ARHGAP28: variants seen among roughly 807,000 people sequenced by gnomAD.
The protein encoded by ARHGAP28 is Rho GTPase activating protein 28, also known as rho GTPase-activating protein 28.
In ARHGAP28, 56 loss-of-function variants were observed where a neutral mutation model predicts 90.7. The ratio of observed to expected loss-of-function variants is 0.62; its 90% confidence interval spans 0.50 to 0.77. ARHGAP28 has a LOEUF of 0.77. Ranked by LOEUF, ARHGAP28 falls within the 30% of genes least tolerant of loss-of-function variation. The pLI, the probability that ARHGAP28 is intolerant of heterozygous loss-of-function variation, is 0.00. For missense variants in ARHGAP28, 869 were observed against 900.9 expected (o/e 0.96, Z 0.45); for synonymous variants, 308 against 323.3 (o/e 0.95, Z 0.51).
intron 1 of ARHGAP28, among the ~76,000 whole-genome samples, chr18:6,730,644 T>C (rs1395557149): frequency 6.6e-6 from 1 of 152,220 alleles, no homozygotes; most frequent in Non-Finnish European, 1.5e-5. Context: ...TCAGTGATCA[T>C]CCATTTGATG....
intron 1 of ARHGAP28, among the ~76,000 whole-genome samples, chr18:6,798,617 G>T (rs370461473): frequency 3.9e-5 from 6 of 152,240 alleles, no homozygotes; most frequent in African/African-American, 1.4e-4. Flanking sequence ...AATACTGTAC[G>T]TTCTCACTGG....
At chr18:6,884,920 A>C (rs2143669963) in intron 11 of ARHGAP28, among the ~76,000 whole-genome samples, 1 of 152,286 alleles carries the variant, frequency 6.6e-6, no homozygotes, top group South Asian at 2.1e-4. Context: ...TTGTGTTCAA[A>C]CCATGCCAAA....
Position 6,729,959 on chromosome 18 carries a change from C to G in ARHGAP28, c.122+16C>G. On this transcript the variant is annotated intron_variant, in intron 1 of 17. Coordinates refer to ENST00000383472, the MANE Select transcript of ARHGAP28 (RefSeq NM_001366230.1). ...CGCTCAGCAGGTACCCGGAGCCGCT[C>G]CCACCAGGGCGGCGCAGTCGCGCTG... is the stretch of plus-strand genomic sequence containing the variant. 7.5e-7 allele frequency: 1 copy of G among 1,334,986 alleles called. No homozygotes were observed. The highest frequency in any genetic ancestry group is 1.9e-5 in the South Asian group (1 of 52,670). 82.7% of individuals were successfully genotyped at this position (1,334,986 alleles called of 1,614,324 possible).
intron 16 of ARHGAP28, chr18:6,898,592 T>C: frequency 6.3e-7 from 1 of 1,597,948 alleles, no homozygotes. Flanking sequence ...TATAGAGACT[T>C]GAAATATCAT....
At chr18:6,885,806 T>G (rs1177694801) in intron 11 of ARHGAP28, among the ~76,000 whole-genome samples, 3 of 150,262 alleles carry the variant, frequency 2.0e-5, no homozygotes, top group Non-Finnish European at 4.4e-5. Flanking sequence ...AGAGTTGTTT[T>G]TTTTTTTTTT....
chr18:6,859,099 A>AC (rs2056977286), intron 4 of ARHGAP28, among the ~76,000 whole-genome samples: 3 of 151,694 alleles, frequency 2.0e-5, no homozygotes, highest in Non-Finnish European at 2.9e-5. Context: ...CAACAACAAA[A>AC]AACAAAATTT....
chr18:6,828,131 T>G (rs1225677328), intron 2 of ARHGAP28, among the ~76,000 whole-genome samples: 5 of 152,138 alleles, frequency 3.3e-5, no homozygotes, highest in African/African-American at 4.8e-5. Context: ...GGCAGATCAC[T>G]CGCGGTTAGG....
chr18:6,908,323 G>A (rs1295701485), intron 16 of ARHGAP28, among the ~76,000 whole-genome samples: 1 of 151,868 alleles, frequency 6.6e-6, no homozygotes, highest in Non-Finnish European at 1.5e-5. Context: ...ATTTTTAGTA[G>A]AGATGGGATT....
At chr18:6,861,736 C>T (rs1406778216) in intron 5 of ARHGAP28, among the ~76,000 whole-genome samples, 1 of 152,168 alleles carries the variant, frequency 6.6e-6, no homozygotes, top group Non-Finnish European at 1.5e-5. Context: ...TCTGGTAAGA[C>T]TGCTGGTCAT....
chr18:6,845,553 G>GTTCTTACTGATGCTC (rs2056859728), intron 3 of ARHGAP28, among the ~76,000 whole-genome samples: 1 of 152,116 alleles, frequency 6.6e-6, no homozygotes, highest in Non-Finnish European at 1.5e-5. Context: ...TCCATTAGCT[G>GTTCTTACTGATGCTC]TTCTTACTGA....
chr18:6,882,865 G>A (rs1053584019), intron 11 of ARHGAP28, among the ~76,000 whole-genome samples: 1 of 152,164 alleles, frequency 6.6e-6, no homozygotes, highest in South Asian at 2.1e-4. Flanking sequence ...TGAAGTATGT[G>A]GGCAAAAGCA....
At chr18:6,756,817 C>T (rs556232433) in intron 1 of ARHGAP28, among the ~76,000 whole-genome samples, 19 of 152,266 alleles carry the variant, frequency 1.2e-4, no homozygotes, top group Middle Eastern at 3.4e-3. Context: ...TGGAATCTAA[C>T]GTTCAAGGGC....
intron 3 of ARHGAP28, among the ~76,000 whole-genome samples, chr18:6,849,422 A>G (rs1157158319): frequency 1.3e-5 from 2 of 152,298 alleles, no homozygotes; most frequent in South Asian, 2.1e-4. Context: ...CTGCAGAAGG[A>G]TGATGAAGGA....
intron 1 of ARHGAP28, among the ~76,000 whole-genome samples, chr18:6,786,353 C>T (rs1476444803): frequency 6.6e-6 from 1 of 151,922 alleles, no homozygotes; most frequent in South Asian, 2.1e-4. Flanking sequence ...GAGAATTTTC[C>T]TAACTATGCC....
intron 1 of ARHGAP28, among the ~76,000 whole-genome samples, chr18:6,787,343 A>T (rs756319073): frequency 2.6e-5 from 4 of 151,390 alleles, no homozygotes; most frequent in Non-Finnish European, 5.9e-5. Context: ...TTTAAGCTAC[A>T]TTGTTATTAT....
intron 1 of ARHGAP28, among the ~76,000 whole-genome samples, chr18:6,803,449 A>G (rs928596000): frequency 6.6e-6 from 1 of 152,152 alleles, no homozygotes; most frequent in South Asian, 2.1e-4. Flanking sequence ...GTTATGATGC[A>G]TTATATTTTT....
At chr18:6,907,395 A>AG (rs547192656) in intron 16 of ARHGAP28, among the ~76,000 whole-genome samples, 1 of 25,204 alleles carries the variant, frequency 4.0e-5, no homozygotes, top group Non-Finnish European at 1.0e-4. Flanking sequence ...CAAAAACTGG[A>AG]AAAAAAAAAA....
At chr18:6,758,016 T>A (rs762996513) in intron 1 of ARHGAP28, among the ~76,000 whole-genome samples, 5 of 152,192 alleles carry the variant, frequency 3.3e-5, no homozygotes, top group Non-Finnish European at 7.3e-5. Context: ...TGAGAGCCAT[T>A]TTCCAAGTAC....
chr18:6,888,443 G>C (rs1299216565), intron 12 of ARHGAP28, among the ~76,000 whole-genome samples: 2 of 151,988 alleles, frequency 1.3e-5, no homozygotes, highest in Non-Finnish European at 2.9e-5. Flanking sequence ...ATTTCAGTGT[G>C]GTAAGGACCT....
Sources: allele counts gnomAD v4.1 joint callset (sites outside exome capture counted in the v4.1 genomes callset), GRCh38; gene constraint gnomAD v4.1.1; transcripts MANE v1.5; gene names NCBI Gene and HGNC (gene_info 2026-07-23, HGNC 2026-07-21).